The following TMEM161B variants were observed in gnomAD, a reference collection of about 807,000 sequenced individuals.
The protein encoded by TMEM161B is transmembrane protein 161B.
TMEM161B carries 34 observed loss-of-function variants against 61.8 expected under a neutral mutation model. The ratio of observed to expected loss-of-function variants is 0.55; its 90% CI spans 0.42 to 0.73. The LOEUF is 0.73. Among genes scored for constraint, TMEM161B ranks in the 30% least tolerant of loss-of-function variants. The pLI, the probability that TMEM161B is intolerant of heterozygous loss-of-function variation, is 0.00. For missense variants in TMEM161B, 456 were observed against 558.5 expected, an observed-to-expected ratio of 0.82 and a Z score of 1.85; for synonymous variants, 167 against 192.8, an observed-to-expected ratio of 0.87 and a Z score of 1.11.
At chr5:88,228,575 G>T in intron 2 of TMEM161B, 47 bp from the exon 3 acceptor site, 1 of 1,277,146 alleles carries the variant, frequency 7.8e-7, no homozygotes, top group South Asian at 1.4e-5. Flanking sequence ...AAAATCACCA[G>T]AATTATTCTT....
chr5:88,213,783 T>C (rs181946479), intron 5 of TMEM161B, among the ~76,000 whole-genome samples: 4 of 152,274 alleles, frequency 2.6e-5, no homozygotes, highest in African/African-American at 9.6e-5. Context: ...AAAATCTCCA[T>C]GTTCATACAA....
intron 9 of TMEM161B, 80 bp from the exon 10 acceptor site, chr5:88,199,230 A>G (rs1027671253): frequency 2.2e-6 from 3 of 1,361,384 alleles, no homozygotes; most frequent in Admixed American, 2.7e-5. Flanking sequence ...TGGTCACCAT[A>G]TAAGATATAA....
chr5:88,268,290 TA>T lies in TMEM161B; in HGVS notation c.3+430del, dbSNP rs1477976027. ...CTTTAAATGACAGGTGTTGATCTTA[TA>T]CAAGGAGACCCGTTGTGTCCACCTG... On this transcript the variant is annotated intron_variant, in intron 1 of 11. Transcript: ENST00000296595. Among the ~76,000 whole-genome samples, 4 of 152,300 alleles carry T rather than the reference TA, an allele frequency of 2.6e-5. No homozygotes were observed. The East Asian group carries it at 7.7e-4, about 29-fold the overall frequency.
chr5:88,224,985 T>G (rs1188967857), intron 4 of TMEM161B, among the ~76,000 whole-genome samples: 2 of 148,882 alleles, frequency 1.3e-5, no homozygotes, highest in Non-Finnish European at 3.0e-5. Flanking sequence ...TTTTTTTTTT[T>G]GAGACGGAGT....
intron 1 of TMEM161B, among the ~76,000 whole-genome samples, chr5:88,247,948 C>A (rs1195341799): frequency 6.6e-6 from 1 of 152,116 alleles, no homozygotes; most frequent in Non-Finnish European, 1.5e-5. Flanking sequence ...GGTACTGCAA[C>A]TGTAATTGCT....
intron 1 of TMEM161B, among the ~76,000 whole-genome samples, chr5:88,258,159 A>G (rs1755228946): frequency 6.6e-6 from 1 of 152,214 alleles, no homozygotes; most frequent in South Asian, 2.1e-4. Context: ...TCTCAATTAA[A>G]GTTATGACCT....
chr5:88,252,744 G>A (rs539069216), intron 1 of TMEM161B, among the ~76,000 whole-genome samples: 1 of 152,270 alleles, frequency 6.6e-6, no homozygotes, highest in South Asian at 2.1e-4. Flanking sequence ...GTGCATCCTC[G>A]GCTTTTCCGA....
chr5:88,207,030 T>C lies in TMEM161B; in HGVS notation c.597A>G (p.Thr199=). The C allele has an allele frequency of 3.1e-6, 5 of 1,611,124 alleles. No homozygotes were observed. Among genetic ancestry groups the C allele is most frequent in the Non-Finnish European group, 4.2e-6 (5 of 1,179,188 alleles). ...TENYLEFGLE[T]GFTNFSDSAM... is the part of the protein sequence containing the mutation. ...TTTAAAGTTGTATGAAACTATTACC[T>C]GTTTCAAGTCCAAATTCCAGATAAT... The change falls in exon 6 of 12, where the codon ACA becomes ACG. Residue 199 remains threonine (T), a splice_region_variant and synonymous_variant. Transcript: ENST00000296595.
At chr5:88,214,169 T>A (rs1747388859) in intron 5 of TMEM161B, among the ~76,000 whole-genome samples, 1 of 152,186 alleles carries the variant, frequency 6.6e-6, no homozygotes, top group African/African-American at 2.4e-5. Context: ...AGTCACAGCT[T>A]TTAGCTTTGT....
At position 88,205,677 on chromosome 5, in the gene TMEM161B, G is replaced by C; in HGVS notation, c.800+137C>G. ...AAATAAAAGAAACTTGCTTATAGTTGAAAGAGGAAGTAGTGTGACATCAAA... is the reference window on the plus strand; with the variant it reads ...AAATAAAAGAAACTTGCTTATAGTTCAAAGAGGAAGTAGTGTGACATCAAA... On this transcript the variant is annotated intron_variant, in intron 8 of 11. Transcript: ENST00000296595. 5.2e-6 allele frequency: 5 copies of C among 954,598 alleles called. No homozygotes were observed. The South Asian group carries it at 8.1e-5, about 15-fold the overall frequency. The allele number at this position is 954,598 out of a possible 1,614,324, so 59.1% of individuals were successfully genotyped here.
chr5:88,265,408 T>A (rs934604390), intron 1 of TMEM161B, among the ~76,000 whole-genome samples: 2 of 152,310 alleles, frequency 1.3e-5, no homozygotes, highest in Middle Eastern at 3.4e-3. Flanking sequence ...GATTGTCATT[T>A]AAGGGTCACC....
chr5:88,240,950 A>G lies in TMEM161B; in HGVS notation c.4-34T>C, dbSNP rs766309451. The G allele has an allele frequency of 4.8e-5, 69 of 1,432,786 alleles. No individual in the cohort carries two copies. The South Asian group carries it at 8.7e-4, about 18-fold the overall frequency. 88.8% of individuals were successfully genotyped at this position (1,432,786 alleles called of 1,614,324 possible). A position where few individuals can be genotyped will look rare whatever the true frequency, so the allele number is the denominator to read the frequency against. ...AAAAAACAAACAAATTTAATAATGA[A>G]TGATTTTGGATTTGGGGACATTGCT... On this transcript the variant is annotated intron_variant, in intron 1 of 11. Coordinates refer to ENST00000296595, the MANE Select transcript of TMEM161B (RefSeq NM_153354.5).
At chr5:88,217,676 C>G (rs952173382) in intron 5 of TMEM161B, among the ~76,000 whole-genome samples, 11 of 152,034 alleles carry the variant, frequency 7.2e-5, no homozygotes, top group Non-Finnish European at 1.2e-4. Context: ...ACATCTGAAG[C>G]AAGTATGGAG....
intron 2 of TMEM161B, among the ~76,000 whole-genome samples, chr5:88,236,230 T>C (rs889138934): frequency 1.5e-4 from 23 of 152,064 alleles, no homozygotes; most frequent in African/African-American, 5.6e-4. Context: ...GAGGGACTTA[T>C]GAAGGGAAGC....
At position 88,248,701 on chromosome 5, in the gene TMEM161B, T is replaced by C. The variant is rs1449625712; in HGVS notation, c.4-7785A>G. 6.1e-5 allele frequency among the ~76,000 whole-genome samples: 8 copies of C among 130,424 alleles called. No homozygotes were observed. The East Asian group carries it at 1.3e-3, about 22-fold the overall frequency. 85.6% of individuals were successfully genotyped at this position (130,424 alleles called of 152,430 possible). A position where few individuals can be genotyped will look rare whatever the true frequency, so the allele number is the denominator to read the frequency against. ...CAGACAGAAGCAAATGGAGAAACAA[T>C]TCAGTCGACTGAGAAAAAAAAAAAA... On this transcript the variant is annotated intron_variant, in intron 1 of 11. Coordinates refer to ENST00000296595, the MANE Select transcript of TMEM161B (RefSeq NM_153354.5).
At chr5:88,236,581 A>G (rs1432960836) in intron 2 of TMEM161B, among the ~76,000 whole-genome samples, 1 of 152,212 alleles carries the variant, frequency 6.6e-6, no homozygotes, top group East Asian at 1.9e-4. Context: ...AGTGTTCCTT[A>G]TATGAGGGAA....
At chr5:88,200,143 GT>G (rs967481904) in intron 9 of TMEM161B, 4 of 151,672 alleles carry the variant, frequency 2.6e-5, no homozygotes, top group African/African-American at 9.7e-5. Flanking sequence ...AAAATTTGAA[GT>G]GTAAAATTTT....
At chr5:88,248,948 G>A (rs1753977005) in intron 1 of TMEM161B, among the ~76,000 whole-genome samples, 1 of 151,942 alleles carries the variant, frequency 6.6e-6, no homozygotes, top group Non-Finnish European at 1.5e-5. Flanking sequence ...TCCCCAGTAA[G>A]CCTTAACTAA....
chr5:88,254,599 G>A (rs565923907), intron 1 of TMEM161B, among the ~76,000 whole-genome samples: 2 of 152,248 alleles, frequency 1.3e-5, no homozygotes, highest in Non-Finnish European at 2.9e-5. Flanking sequence ...CACTTTGGGA[G>A]GCCAAGGCAG....
Sources: allele counts gnomAD v4.1 joint callset (sites outside exome capture counted in the v4.1 genomes callset), GRCh38; gene constraint gnomAD v4.1.1; transcripts MANE v1.5; gene names NCBI Gene and HGNC (gene_info 2026-07-23, HGNC 2026-07-21).